The following CLIP4 variants were observed in gnomAD, a reference collection of about 807,000 sequenced individuals.
CLIP4 encodes the protein CAP-Gly domain containing linker protein family member 4, also known as CAP-Gly domain-containing linker protein 4.
A neutral mutation model predicts 73.1 loss-of-function variants in CLIP4; 47 were observed. That is an observed-to-expected ratio of 0.64 (90% CI 0.51 to 0.82). The LOEUF is 0.82. Among genes scored for constraint, CLIP4 ranks in the 40% least tolerant of loss-of-function variants. The pLI is 0.00. For synonymous variants in CLIP4, 306 were observed against 295.4 expected, an observed-to-expected ratio of 1.04 and a Z score of -0.37; for missense variants, 874 against 852.9, an observed-to-expected ratio of 1.02 and a Z score of -0.31.
chr2:29,165,584 A>G (rs1218605691), intron 13 of CLIP4, among the ~76,000 whole-genome samples: 1 of 152,192 alleles, frequency 6.6e-6, no homozygotes, highest in African/African-American at 2.4e-5. Context: ...TTGGTTTGGG[A>G]GTAAAATGCA....
chr2:29,128,950 A>G (rs1254121156), intron 2 of CLIP4, among the ~76,000 whole-genome samples: 15 of 152,190 alleles, frequency 9.9e-5, no homozygotes, highest in Non-Finnish European at 7.4e-5. Context: ...ACACCCAGGT[A>G]TCTTTAGTTT....
At chr2:29,176,354 T>C (rs1668345313) in intron 15 of CLIP4, among the ~76,000 whole-genome samples, 1 of 152,224 alleles carries the variant, frequency 6.6e-6, no homozygotes, top group Admixed American at 6.5e-5. Context: ...CTGCTCCATG[T>C]CCTTGCTTGT....
At chr2:29,153,948 CT>C (rs2148031322) in intron 9 of CLIP4, among the ~76,000 whole-genome samples, 1 of 152,194 alleles carries the variant, frequency 6.6e-6, no homozygotes. Context: ...GTTAAGTTTC[CT>C]TTTAAAAATT....
chr2:29,169,758 AT>A (rs1402397986), intron 14 of CLIP4, among the ~76,000 whole-genome samples: 1 of 152,020 alleles, frequency 6.6e-6, no homozygotes, highest in East Asian at 1.9e-4. Flanking sequence ...TGGGAATGTT[AT>A]AATTCTTCTC....
chr2:29,145,112 A>G, intron 7 of CLIP4, 120 bp from the exon 8 acceptor site: 2 of 778,598 alleles, frequency 2.6e-6, no homozygotes, highest in Admixed American at 3.0e-5. Context: ...GCGAATTTTT[A>G]AAATTCACTT....
At chr2:29,120,933 A>ATT (rs965617036) in intron 1 of CLIP4, among the ~76,000 whole-genome samples, 3 of 152,164 alleles carry the variant, frequency 2.0e-5, no homozygotes, top group Non-Finnish European at 4.4e-5. Flanking sequence ...TAATGGAAAC[A>ATT]TTTTAAGGTA....
intron 1 of CLIP4, among the ~76,000 whole-genome samples, chr2:29,118,831 T>C (rs1444690893): frequency 7.2e-5 from 11 of 152,088 alleles, no homozygotes; most frequent in Non-Finnish European, 1.6e-4. Flanking sequence ...GGCCAATATA[T>C]ATATATATAT....
rs1328945574 is a variant in CLIP4, at chr2:29,157,367, C to G, written c.1399+20C>G. On this transcript the variant is annotated intron_variant, in intron 11 of 15. Coordinates refer to ENST00000320081, the MANE Select transcript of CLIP4 (RefSeq NM_024692.6). ...GTGCTGGTATCTATGGCTTTTTCAACCAGGCTTTCTTGGTGTTTTTTATCT... is the reference window on the plus strand; with the variant it reads ...GTGCTGGTATCTATGGCTTTTTCAAGCAGGCTTTCTTGGTGTTTTTTATCT... The G allele has an allele frequency of 6.2e-7, 1 of 1,613,868 alleles. No individual in the cohort carries two copies. The highest frequency in any genetic ancestry group is 8.5e-7 in the Non-Finnish European group (1 of 1,179,820).
intron 2 of CLIP4, chr2:29,130,775 A>G (rs1443337278): frequency 4.7e-6 from 6 of 1,284,230 alleles, no homozygotes; most frequent in Non-Finnish European, 6.1e-6. Context: ...AGTAAGAACT[A>G]TGTGTACATA....
At chr2:29,166,991 C>T (rs566678426) in intron 13 of CLIP4, among the ~76,000 whole-genome samples, 3 of 152,180 alleles carry the variant, frequency 2.0e-5, no homozygotes, top group African/African-American at 4.8e-5. Context: ...GGAAAGTGAC[C>T]TTTATAATTG....
At chr2:29,128,077 A>G (rs771616106) in intron 2 of CLIP4, among the ~76,000 whole-genome samples, 1 of 152,116 alleles carries the variant, frequency 6.6e-6, no homozygotes, top group Non-Finnish European at 1.5e-5. Context: ...CATGCAGTGT[A>G]ATAGATCAAA....
intron 14 of CLIP4, among the ~76,000 whole-genome samples, chr2:29,168,277 A>C (rs1189892008): frequency 3.3e-5 from 5 of 152,164 alleles, no homozygotes; most frequent in African/African-American, 1.2e-4. Flanking sequence ...TCTATTATGA[A>C]GTACCTGTTC....
intron 2 of CLIP4, among the ~76,000 whole-genome samples, chr2:29,122,240 CTTT>C (rs11359647): frequency 2.2e-4 from 30 of 135,218 alleles, no homozygotes; most frequent in Non-Finnish European, 2.4e-4. Context: ...CTCCAAGTTT[CTTT>C]TTTTTTTTTT....
chr2:29,137,608 C>G (rs1158541889), intron 6 of CLIP4, among the ~76,000 whole-genome samples: 3 of 152,174 alleles, frequency 2.0e-5, no homozygotes, highest in African/African-American at 4.8e-5. Context: ...TTGCTTTCCA[C>G]AGGGGCTGAA....
chr2:29,143,760 C>T lies in CLIP4; in HGVS notation c.700C>T (p.Pro234Ser). The T allele has an allele frequency of 6.2e-7, 1 of 1,613,990 alleles. No individual in the cohort carries two copies. Among genetic ancestry groups the T allele is most frequent in the African/African-American group, 1.3e-5 (1 of 75,050 alleles). ...ADVVPDPVDM[P>S]LEMADAAATA... is the part of the protein sequence containing the mutation. ...TGTTGTTCCAGACCCAGTAGATATG[C>T]CGTTAGAGATGGCTGACGCCGCAGC... The change falls in exon 7 of 16, where the codon CCG becomes TCG. Residue 234 changes from proline (P) to serine (S), a missense_variant. By Grantham distance (74) the Pro-to-Ser change is moderately conservative. Transcript: ENST00000320081.
intron 11 of CLIP4, among the ~76,000 whole-genome samples, chr2:29,159,706 AAGT>A: frequency 6.8e-6 from 1 of 147,548 alleles, no homozygotes; most frequent in African/African-American, 2.4e-5. Context: ...AAAAAAAAAA[AAGT>A]CAAATCACAT....
intron 11 of CLIP4, among the ~76,000 whole-genome samples, chr2:29,159,195 C>T (rs981968120): frequency 5.9e-5 from 9 of 152,118 alleles, no homozygotes; most frequent in Non-Finnish European, 1.3e-4. Context: ...ATAATCCAGA[C>T]CTTCTCCATG....
rs1447551768 is a variant in CLIP4, at chr2:29,133,646, C to A, written c.368-9C>A. 2 of 1,589,122 alleles carry A rather than the reference C, an allele frequency of 1.3e-6. No individual in the cohort carries two copies. The highest frequency in any genetic ancestry group is 2.7e-5 in the African/African-American group (2 of 73,272). On this transcript the variant is annotated splice_polypyrimidine_tract_variant and intron_variant, in intron 4 of 15. Coordinates refer to ENST00000320081, the MANE Select transcript of CLIP4 (RefSeq NM_024692.6). ...ACTAAAGGAAAGTAATTTAGAAAATCTTCTTTAGGTGATGTGGAAACAGCT... is the reference window on the plus strand; with the variant it reads ...ACTAAAGGAAAGTAATTTAGAAAATATTCTTTAGGTGATGTGGAAACAGCT...
chr2:29,143,301 G>C (rs371260069), intron 6 of CLIP4, among the ~76,000 whole-genome samples: 274 of 14,366 alleles, frequency 0.019, no homozygotes, highest in East Asian at 0.083. Flanking sequence ...TTGGATCTCT[G>C]TGGAGATGCA....
Sources: allele counts gnomAD v4.1 joint callset (sites outside exome capture counted in the v4.1 genomes callset), GRCh38; gene constraint gnomAD v4.1.1; transcripts MANE v1.5; gene names NCBI Gene and HGNC (gene_info 2026-07-23, HGNC 2026-07-21).